The following RPS24 variants were observed in gnomAD, a reference collection of about 807,000 sequenced individuals.
RPS24 encodes ribosomal protein S24.
For missense variants in RPS24, 100 were observed against 162.5 expected, an observed-to-expected ratio of 0.62 and a Z score of 2.09; for synonymous variants, 72 against 55.6, an observed-to-expected ratio of 1.30 and a Z score of -1.31.
exon 5 of RPS24, chr10:78,056,499 A>G (rs1284991414): frequency 6.6e-6 from 1 of 152,218 alleles, no homozygotes; most frequent in African/African-American, 2.4e-5. Context: ...CAATCAGTGC[A>G]TGGAATTACC....
In RPS24 at chr10:78,037,048, CA is replaced by C. The variant is rs540498815; in HGVS notation, c.280-141del. On this transcript the variant is annotated intron_variant, in intron 3 of 5. Transcript: ENST00000372360. ...CCCTTGATGATCCTTTCTGTTCCAG[CA>C]AAAACATGCATTAAATGTACTTGAA... 1,916 of 920,364 alleles carry C rather than the reference CA, an allele frequency of 2.1e-3. 3 individuals are homozygous for C. The highest frequency in any genetic ancestry group is 2.4e-3 in the Middle Eastern group (7 of 2,970). The allele number at this position is 920,364 out of a possible 1,614,324, so 57.0% of individuals were successfully genotyped here. A position where few individuals can be genotyped will look rare whatever the true frequency, so the allele number is the denominator to read the frequency against.
intron 4 of RPS24, among the ~76,000 whole-genome samples, chr10:78,048,415 T>C (rs1589334884): frequency 2.6e-5 from 4 of 152,160 alleles, no homozygotes; most frequent in African/African-American, 7.2e-5. Flanking sequence ...ATACTCTCGG[T>C]GACTGCTCAC....
At chr10:78,055,251 A>G in exon 5 of RPS24, 1 of 452,036 alleles carries the variant, frequency 2.2e-6, no homozygotes, top group Non-Finnish European at 3.6e-6. Flanking sequence ...AGCGGCTCCT[A>G]CCACATTTAA....
At chr10:78,046,101 T>C (rs1848040506) in intron 4 of RPS24, among the ~76,000 whole-genome samples, 1 of 152,060 alleles carries the variant, frequency 6.6e-6, no homozygotes, top group African/African-American at 2.4e-5. Flanking sequence ...CAGGTGAGGC[T>C]GCTTCAGGAA....
intron 3 of RPS24, among the ~76,000 whole-genome samples, chr10:78,036,898 AAAG>A (rs1410309547): frequency 7.2e-5 from 11 of 152,140 alleles, no homozygotes; most frequent in African/African-American, 2.4e-4. Context: ...TGGTAGTGCA[AAAG>A]AAGAAAAAAT....
intron 4 of RPS24, chr10:78,037,602 T>G (rs546371068): frequency 2.7e-6 from 1 of 376,298 alleles, no homozygotes; most frequent in South Asian, 2.5e-5. Flanking sequence ...GTTTTAATTT[T>G]ACTAATTGGC....
chr10:78,037,396 T>C, intron 4 of RPS24, 92 bp downstream of exon 4: 5 of 1,498,182 alleles, frequency 3.3e-6, no homozygotes, highest in Non-Finnish European at 4.5e-6. Context: ...TTAAAATAAC[T>C]TTTCTTAATG....
At chr10:78,035,110 A>G (rs533142632) in intron 1 of RPS24, among the ~76,000 whole-genome samples, 4 of 152,358 alleles carry the variant, frequency 2.6e-5, no homozygotes, top group Admixed American at 2.6e-4. Context: ...CCAGAGATAC[A>G]CATAACCTAG....
In RPS24 at chr10:78,037,312, T is replaced by A. The variant is rs1847893333; in HGVS notation, c.390+8T>A. On this transcript the variant is annotated splice_region_variant and intron_variant, in intron 4 of 5. Coordinates refer to ENST00000372360, the MANE Select transcript of RPS24 (RefSeq NM_033022.4). Reference sequence around the variant, plus strand: ...GTTGGTGCTGGCAAAAAGGTATAGTTCATTAAGGAAAATATAGAAACGTCA... The same window carrying A: ...GTTGGTGCTGGCAAAAAGGTATAGTACATTAAGGAAAATATAGAAACGTCA... 1 of 1,588,730 alleles carries A rather than the reference T, an allele frequency of 6.3e-7. No individual in the cohort carries two copies. The highest frequency in any genetic ancestry group is 8.6e-7 in the Non-Finnish European group (1 of 1,166,886).
Position 78,035,597 on chromosome 10 carries a change from G to T in RPS24, c.156G>T (p.Pro52=), listed in dbSNP as rs150157180. ...EKLAKMYKTT[P]DVIFVFGFRT... ...TAGCCAAAATGTACAAGACCACACC[G>T]GATGTCATCTTTGTATTTGGATTCA... is the stretch of plus-strand genomic sequence containing the variant. The change falls in exon 3 of 6, where the codon CCG becomes CCT. Residue 52 remains proline, a synonymous_variant. Transcript: ENST00000372360. 1.9e-6 allele frequency: 3 copies of T among 1,613,404 alleles called. No homozygotes were observed. The highest frequency in any genetic ancestry group is 2.5e-6 in the Non-Finnish European group (3 of 1,180,018).
At chr10:78,041,871 T>G (rs556439063), downstream of RPS24, among the ~76,000 whole-genome samples, 9 of 152,314 alleles carry the variant, frequency 5.9e-5, no homozygotes, top group South Asian at 1.9e-3. Context: ...AGAGCCTGAA[T>G]GATTGAAGGT....
Position 78,054,767 on chromosome 10 carries a change from C to A in RPS24, c.627C>A (p.Cys209Ter). ...ACAGAGAACAGTGCTGCCAGGCGTGCCTTTTGGAGAGGGCACTGGTCAGAA... is the reference window on the plus strand; with the variant it reads ...ACAGAGAACAGTGCTGCCAGGCGTGACTTTTGGAGAGGGCACTGGTCAGAA... Residue 209 changes from cysteine (C) to a stop codon, truncating the protein, a stop_gained, in exon 5 of 5, where the codon TGC becomes TGA. Coordinates refer to the RPS24 transcript ENST00000440692. LOFTEE classifies it low-confidence loss of function (END_TRUNC). The A allele has an allele frequency of 6.4e-7, 1 of 1,551,656 alleles. No individual in the cohort carries two copies. Among genetic ancestry groups the A allele is most frequent in the Non-Finnish European group, 8.7e-7 (1 of 1,146,980 alleles).
chr10:78,045,585 G>A (rs1177499315), downstream of RPS24, among the ~76,000 whole-genome samples: 4 of 151,928 alleles, frequency 2.6e-5, no homozygotes, highest in East Asian at 2.0e-4. Flanking sequence ...GAGTTCAAGC[G>A]ATTCTCCTGC....
At chr10:78,042,635 A>G (rs994424067), downstream of RPS24, among the ~76,000 whole-genome samples, 2 of 152,190 alleles carry the variant, frequency 1.3e-5, no homozygotes, top group Non-Finnish European at 2.9e-5. Flanking sequence ...AAGCTGAATC[A>G]ATATTGAGGG....
downstream of RPS24, among the ~76,000 whole-genome samples, chr10:78,043,636 C>A (rs1478176147): frequency 6.6e-6 from 1 of 152,204 alleles, no homozygotes; most frequent in Non-Finnish European, 1.5e-5. Context: ...AGAAGCTGTT[C>A]TGTCTTGAAA....
chr10:78,037,403 A>T (rs781767176), intron 4 of RPS24, 99 bp downstream of exon 4: 1 of 1,488,302 alleles, frequency 6.7e-7, no homozygotes, highest in Non-Finnish European at 9.0e-7. Flanking sequence ...AACTTTTCTT[A>T]ATGTTTCTTC....
exon 5 of RPS24, chr10:78,054,566 A>G: frequency 6.5e-7 from 1 of 1,547,288 alleles, no homozygotes; most frequent in Non-Finnish European, 8.7e-7. Context: ...AAGCATTGGG[A>G]AGAATTTCCC....
chr10:78,036,296 G>A (rs1054668230), intron 3 of RPS24: 7 of 163,158 alleles, frequency 4.3e-5, no homozygotes, highest in African/African-American at 1.7e-4. Flanking sequence ...TGATGTCATA[G>A]GTAGAGGCTG....
chr10:78,045,364 A>G (rs1848032768), downstream of RPS24, among the ~76,000 whole-genome samples: 1 of 152,150 alleles, frequency 6.6e-6, no homozygotes. Context: ...TCAGCTTACA[A>G]TCAGCTGGGG....
Sources: allele counts gnomAD v4.1 joint callset (sites outside exome capture counted in the v4.1 genomes callset), GRCh38; gene constraint gnomAD v4.1.1; transcripts MANE v1.5; gene names NCBI Gene and HGNC (gene_info 2026-07-23, HGNC 2026-07-21).